Variants in CALU observed in about 807,000 individuals in gnomAD.
CALU encodes the protein IEF SSP 9302.
A neutral mutation model predicts 37.5 loss-of-function variants in CALU; 13 were observed. That is an observed-to-expected ratio of 0.35 (90% confidence interval 0.23 to 0.55). The LOEUF is 0.55. Ranked by LOEUF, CALU falls within the 20% of genes least tolerant of loss-of-function variation. The pLI, the probability that CALU is intolerant of heterozygous loss-of-function variation, is 0.89. For synonymous variants in CALU, 114 were observed against 133.8 expected (o/e 0.85, Z 1.02); for missense variants, 282 against 391.7 (o/e 0.72, Z 2.36).
At position 128,772,500 on chromosome 7, in the gene CALU, A is replaced by T. The variant is rs918636307; in HGVS notation, c.*3333A>T. Reference sequence around the variant, plus strand: ...CAATAGAAACTTACTTAAAAGTAAAATTTAATTCTAGCTGTTGCAAACAGG... The same window carrying T: ...CAATAGAAACTTACTTAAAAGTAAATTTTAATTCTAGCTGTTGCAAACAGG... On this transcript the variant is annotated 3_prime_UTR_variant, in exon 7 of 7. Coordinates refer to ENST00000249364, the MANE Select transcript of CALU (RefSeq NM_001219.5). 4 of 1,613,332 alleles carry T rather than the reference A, an allele frequency of 2.5e-6. No individual in the cohort carries two copies. The African/African-American group carries it at 4.0e-5, about 16-fold the overall frequency.
rs1245875293 is a variant in CALU at position 128,769,556 on chromosome 7, T to C, written c.*389T>C. 1.3e-5 allele frequency: 2 copies of C among 154,400 alleles called. No homozygotes were observed. Among genetic ancestry groups the C allele is most frequent in the African/African-American group, 2.4e-5 (1 of 41,476 alleles). The allele number at this position is 154,400 out of a possible 1,614,324, so 9.6% of individuals were successfully genotyped here. A position where few individuals can be genotyped will look rare whatever the true frequency, so the allele number is the denominator to read the frequency against. ...ATTTTAATAATTCTCACTTAACTAA[T>C]TTTGTAAGCCTGAGATCAATAAGAA... On this transcript the variant is annotated 3_prime_UTR_variant, in exon 7 of 7. Transcript: ENST00000249364.
chr7:128,761,453 C>G (rs919327383), intron 5 of CALU: 2 of 152,114 alleles, frequency 1.3e-5, no homozygotes, highest in Non-Finnish European at 2.9e-5. Flanking sequence ...CTCCTGGGAG[C>G]AGAGGATCAC....
intron 2 of CALU, among the ~76,000 whole-genome samples, chr7:128,749,605 G>A (rs1800580086): frequency 6.6e-6 from 1 of 152,152 alleles, no homozygotes; most frequent in African/African-American, 2.4e-5. Context: ...GGAAAGTTGT[G>A]CCACACATAG....
intron 5 of CALU, among the ~76,000 whole-genome samples, chr7:128,761,886 ATGT>A (rs890150460): frequency 6.6e-6 from 1 of 152,124 alleles, no homozygotes; most frequent in African/African-American, 2.4e-5. Context: ...CTTTACTTAG[ATGT>A]TGTCTTATCA....
intron 5 of CALU, among the ~76,000 whole-genome samples, chr7:128,763,357 C>A (rs1343440113): frequency 6.6e-6 from 1 of 151,852 alleles, no homozygotes; most frequent in Non-Finnish European, 1.5e-5. Context: ...GGTGAAACCC[C>A]GTCTCTACTA....
At chr7:128,751,591 G>A (rs1022714108) in intron 2 of CALU, among the ~76,000 whole-genome samples, 2 of 152,074 alleles carry the variant, frequency 1.3e-5, no homozygotes, top group East Asian at 1.9e-4. Flanking sequence ...GCTAGGCATG[G>A]TGGCATGTGC....
intron 3 of CALU, among the ~76,000 whole-genome samples, chr7:128,757,077 A>G (rs999682957): frequency 2.6e-5 from 4 of 151,726 alleles, no homozygotes; most frequent in Non-Finnish European, 5.9e-5. Context: ...GGACCTGACT[A>G]TAAATTAAAA....
chr7:128,759,595 A>G (rs1332013185), intron 4 of CALU, among the ~76,000 whole-genome samples, 197 bp from the exon 5 acceptor site: 1 of 152,216 alleles, frequency 6.6e-6, no homozygotes, highest in Admixed American at 6.5e-5. Flanking sequence ...AGCATAGGAA[A>G]TTGCTCATGT....
chr7:128,760,006 G>A (rs1801042496), intron 5 of CALU, among the ~76,000 whole-genome samples, 154 bp downstream of exon 5: 2 of 152,164 alleles, frequency 1.3e-5, no homozygotes, highest in African/African-American at 4.8e-5. Flanking sequence ...GTCCAGCCTG[G>A]CCAACATGGG....
Position 128,746,510 on chromosome 7 carries a change from G to T in CALU, c.-11-2063G>T, listed in dbSNP as rs1346102515. 2.0e-5 allele frequency among the ~76,000 whole-genome samples: 3 copies of T among 152,026 alleles called. No individual in the cohort carries two copies. In the East Asian group the frequency reaches 5.8e-4, roughly 29 times the overall value. On this transcript the variant is annotated intron_variant, in intron 1 of 6. Transcript: ENST00000249364. Reference sequence around the variant, plus strand: ...TCTCTGTCACCCACGCTGGAGTGCAGTGGTACAATCTCAGCTAACTGCAAC... The same window carrying T: ...TCTCTGTCACCCACGCTGGAGTGCATTGGTACAATCTCAGCTAACTGCAAC...
chr7:128,767,412 G>A, intron 5 of CALU, 44 bp from the exon 6 acceptor site: 1 of 1,488,932 alleles, frequency 6.7e-7, no homozygotes. Context: ...GCAGTTTTGG[G>A]GAAAAGACAA....
chr7:128,743,823 G>T (rs1035746808), intron 1 of CALU, among the ~76,000 whole-genome samples: 5 of 152,136 alleles, frequency 3.3e-5, no homozygotes, highest in Admixed American at 1.3e-4. Flanking sequence ...CTTTTATAAA[G>T]TGTTGAAGTG....
Position 128,763,544 on chromosome 7 carries a change from A to G in CALU, c.643+3692A>G, listed in dbSNP as rs150837467. Among the ~76,000 whole-genome samples, 47 of 152,298 alleles carry G rather than the reference A, an allele frequency of 3.1e-4. No individual in the cohort carries two copies. In the East Asian group the frequency reaches 8.5e-3, roughly 28 times the overall value. On this transcript the variant is annotated intron_variant, in intron 5 of 6. Transcript: ENST00000249364. ...AGACTCTGTCTCAAAAAAATAAAGT[A>G]AAATAAATAAAAATAGAAATTCAAA...
At chr7:128,762,640 A>T (rs552348654) in intron 5 of CALU, among the ~76,000 whole-genome samples, 2 of 151,464 alleles carry the variant, frequency 1.3e-5, no homozygotes, top group African/African-American at 2.4e-5. Context: ...ATTATAGAGC[A>T]TTGCAGACGT....
At chr7:128,758,824 GT>G (rs1194964414) in intron 3 of CALU, 46 bp from the exon 4 acceptor site, 1 of 1,351,570 alleles carries the variant, frequency 7.4e-7, no homozygotes, top group African/African-American at 1.5e-5. Context: ...ACATTTTCAT[GT>G]TTTCTGAAAG....
chr7:128,767,724 T>A, intron 6 of CALU, 69 bp downstream of exon 6: 5 of 1,300,020 alleles, frequency 3.8e-6, no homozygotes, highest in Non-Finnish European at 5.5e-6. Flanking sequence ...ACCTGAACAG[T>A]TTCTGTTAAG....
chr7:128,765,499 T>C (rs1461635536), intron 5 of CALU, among the ~76,000 whole-genome samples: 3 of 152,256 alleles, frequency 2.0e-5, no homozygotes, highest in Admixed American at 6.5e-5. Flanking sequence ...AACAGAATTA[T>C]ATTCTGACAT....
At chr7:128,746,520 C>T (rs1403717221) in intron 1 of CALU, among the ~76,000 whole-genome samples, 1 of 151,960 alleles carries the variant, frequency 6.6e-6, no homozygotes, top group African/African-American at 2.4e-5. Context: ...GTGGTACAAT[C>T]TCAGCTAACT....
chr7:128,759,172 A>AGCATATCTTATATATATATATGCTATAT, intron 4 of CALU, 135 bp downstream of exon 4: 10 of 606,482 alleles, frequency 1.6e-5, no homozygotes, highest in Non-Finnish European at 2.1e-5. Context: ...TATGCTATAT[A>AGCATATCTTATATATATATATGCTATAT]AGTATTGGCC....
Sources: gnomAD v4.1 joint callset for allele counts (sites outside exome capture counted in the v4.1 genomes callset) on GRCh38, gnomAD v4.1.1 for gene constraint, MANE v1.5 for transcripts, NCBI Gene and HGNC (gene_info 2026-07-23, HGNC 2026-07-21) for gene names.